Variants in FBRSL1 observed in about 807,000 individuals in gnomAD.
The protein encoded by FBRSL1 is fibrosin like 1.
FBRSL1 carries 51 observed loss-of-function variants against 89.6 expected under a neutral mutation model. The observed-to-expected ratio is 0.57, with a 90% confidence interval of 0.45 to 0.72. The LOEUF is 0.72. FBRSL1 is among the 30% of genes least tolerant of loss of function. FBRSL1 has a pLI of 0.00. For missense variants in FBRSL1, 1,618 were observed against 1,451.8 expected, an observed-to-expected ratio of 1.11 and a Z score of -1.86; for synonymous variants, 779 against 681.1, an observed-to-expected ratio of 1.14 and a Z score of -2.24.
chr12:132,535,615 A>G (rs1313398526), intron 4 of FBRSL1, among the ~76,000 whole-genome samples: 1 of 152,256 alleles, frequency 6.6e-6, no homozygotes, highest in Non-Finnish European at 1.5e-5. Flanking sequence ...CAGGAGGTGC[A>G]TGGGGAAGTG....
At chr12:132,516,883 G>A (rs1460513492) in intron 2 of FBRSL1, among the ~76,000 whole-genome samples, 3 of 152,150 alleles carry the variant, frequency 2.0e-5, no homozygotes. Flanking sequence ...TTACTAAATA[G>A]TTCATTTGTT....
At chr12:132,495,335 G>A (rs1053808436) in intron 1 of FBRSL1, among the ~76,000 whole-genome samples, 1 of 152,212 alleles carries the variant, frequency 6.6e-6, no homozygotes, top group African/African-American at 2.4e-5. Flanking sequence ...CGAGCACCGC[G>A]TGTGGGGCCT....
chr12:132,557,406 C>A lies in FBRSL1; in HGVS notation c.645+9374C>A, dbSNP rs77634535. Among the ~76,000 whole-genome samples, 336 of 152,330 alleles carry A rather than the reference C, an allele frequency of 2.2e-3. 1 individual carries two copies. The highest frequency in any genetic ancestry group is 7.6e-3 in the African/African-American group (316 of 41,558). On this transcript the variant is annotated intron_variant, in intron 5 of 18. Coordinates refer to ENST00000680143, the MANE Select transcript of FBRSL1 (RefSeq NM_001367871.1). ...CACTACATCTTTCATATCAGAGCTA[C>A]TCTCCTTTCTAAACAAAACACAGAC...
chr12:132,562,046 C>G (rs2039172339), intron 5 of FBRSL1, among the ~76,000 whole-genome samples: 2 of 152,196 alleles, frequency 1.3e-5, no homozygotes, highest in Non-Finnish European at 2.9e-5. Flanking sequence ...CTCCTCCCTG[C>G]CCACCTGCAC....
At chr12:132,557,627 AAGAT>A (rs1164097587) in intron 5 of FBRSL1, among the ~76,000 whole-genome samples, 1 of 152,192 alleles carries the variant, frequency 6.6e-6, no homozygotes, top group Admixed American at 6.5e-5. Flanking sequence ...TTGTGGCAGG[AAGAT>A]GGCTTCTCCT....
chr12:132,506,293 G>C (rs540679533), intron 1 of FBRSL1, among the ~76,000 whole-genome samples: 1 of 152,340 alleles, frequency 6.6e-6, no homozygotes, highest in South Asian at 2.1e-4. Flanking sequence ...ACTAGAGCAG[G>C]TTTACAGAAA....
Position 132,514,139 on chromosome 12 carries a change from G to C in FBRSL1, c.489+5789G>C, listed in dbSNP as rs560571719. On this transcript the variant is annotated intron_variant, in intron 2 of 18. Coordinates refer to ENST00000680143, the MANE Select transcript of FBRSL1 (RefSeq NM_001367871.1). ...CGCCTCTGTTCTCGCGTCAGGGCTC[G>C]GCTCCTCCGTGTGTGGGGAGACAGG... 2.6e-5 allele frequency among the ~76,000 whole-genome samples: 4 copies of C among 152,306 alleles called. No individual in the cohort carries two copies. In the South Asian group the frequency reaches 8.3e-4, roughly 32 times the overall value.
intron 5 of FBRSL1, among the ~76,000 whole-genome samples, chr12:132,556,909 G>A (rs1247348242): frequency 1.3e-5 from 2 of 151,518 alleles, no homozygotes; most frequent in Non-Finnish European, 2.9e-5. Context: ...GAGAGGACAC[G>A]GCCCAATTCA....
At chr12:132,534,641 C>T (rs1459227086) in intron 4 of FBRSL1, among the ~76,000 whole-genome samples, 1 of 152,278 alleles carries the variant, frequency 6.6e-6, no homozygotes, top group African/African-American at 2.4e-5. Context: ...CGGGTGGCTC[C>T]TCCATGCTGC....
At chr12:132,507,210 T>C (rs1334015904) in intron 1 of FBRSL1, 14 of 985,398 alleles carry the variant, frequency 1.4e-5, no homozygotes, top group Non-Finnish European at 1.6e-5. Flanking sequence ...AGCTCTGACA[T>C]GGGTTCTGTC....
intron 1 of FBRSL1, chr12:132,507,299 TGGCC>T (rs1391419458): frequency 1.0e-6 from 1 of 985,474 alleles, no homozygotes; most frequent in Admixed American, 6.1e-5. Flanking sequence ...CGCTTCTCCC[TGGCC>T]GGCTGGCTCC....
In FBRSL1 at chr12:132,567,891, G is replaced by A. The variant is rs562298309; in HGVS notation, c.691+365G>A. 3.2e-3 allele frequency among the ~76,000 whole-genome samples: 485 copies of A among 152,330 alleles called. 1 individual carries two copies. Among genetic ancestry groups the A allele is most frequent in the African/African-American group, 0.011 (471 of 41,574 alleles). ...GTGGCTGCTGAGTTAAAGAGAAACG[G>A]GACTGAGACTCACTTCCCTGGCTCT... On this transcript the variant is annotated intron_variant, in intron 6 of 18. Transcript: ENST00000680143.
intron 1 of FBRSL1, chr12:132,507,139 G>T (rs1410923229): frequency 4.1e-6 from 4 of 964,494 alleles, no homozygotes; most frequent in Non-Finnish European, 4.9e-6. Flanking sequence ...CCTCCTCGGG[G>T]ACACTGTGGC....
chr12:132,506,301 A>G (rs1290782016), intron 1 of FBRSL1, among the ~76,000 whole-genome samples: 1 of 152,220 alleles, frequency 6.6e-6, no homozygotes, highest in Non-Finnish European at 1.5e-5. Flanking sequence ...AGGTTTACAG[A>G]AAATGTGGTA....
chr12:132,558,842 G>C (rs1272234828), intron 5 of FBRSL1, among the ~76,000 whole-genome samples: 4 of 152,254 alleles, frequency 2.6e-5, no homozygotes, highest in African/African-American at 7.2e-5. Flanking sequence ...CCCGAAACTG[G>C]AGCCCAAGCC....
intron 4 of FBRSL1, among the ~76,000 whole-genome samples, chr12:132,544,802 C>T (rs2037546336): frequency 6.6e-6 from 1 of 150,400 alleles, no homozygotes; most frequent in Non-Finnish European, 1.5e-5. Context: ...GTGATGGTGG[C>T]AATGGCGAGG....
chr12:132,518,344 C>T (rs942280512), intron 2 of FBRSL1, among the ~76,000 whole-genome samples: 5 of 149,646 alleles, frequency 3.3e-5, no homozygotes, highest in African/African-American at 4.9e-5. Flanking sequence ...CATCCACCCA[C>T]GCATTCATCA....
Position 132,570,169 on chromosome 12 carries a change from C to T in FBRSL1, c.935C>T (p.Thr312Ile). ...CCGCAGCCCCGCGGCCTGCTCCCGA[C>T]ACACGTGCCTGCATCCCTGGGCGCC... ...PPPQPRGLLP[T>I]HVPASLGAFA... Residue 312 changes from threonine (T) to isoleucine (I), a missense_variant, in exon 7 of 19, where the codon ACA becomes ATA. By Grantham distance (89) the Thr-to-Ile change is moderately conservative. Transcript: ENST00000680143. The T allele has an allele frequency of 6.7e-7, 1 of 1,503,526 alleles. No homozygotes were observed. Among genetic ancestry groups the T allele is most frequent in the Non-Finnish European group, 8.8e-7 (1 of 1,134,352 alleles). The allele number at this position is 1,503,526 out of a possible 1,614,324, so 93.1% of individuals were successfully genotyped here. A position where few individuals can be genotyped will look rare whatever the true frequency, so the allele number is the denominator to read the frequency against.
intron 3 of FBRSL1, among the ~76,000 whole-genome samples, chr12:132,527,651 CG>C (rs1194964059): frequency 8.8e-6 from 1 of 113,642 alleles, no homozygotes; most frequent in Non-Finnish European, 1.8e-5. Flanking sequence ...TGCGGGGCTG[CG>C]GGGCAGGGTT....
Sources: allele counts gnomAD v4.1 joint callset (sites outside exome capture counted in the v4.1 genomes callset), GRCh38; gene constraint gnomAD v4.1.1; transcripts MANE v1.5; gene names NCBI Gene and HGNC (gene_info 2026-07-23, HGNC 2026-07-21).